Variants in PADI4 observed in about 807,000 individuals in gnomAD.
The protein encoded by PADI4 is peptidyl arginine deiminase 4, also known as protein-arginine deiminase type-4.
In PADI4, 62 loss-of-function variants were observed where a neutral mutation model predicts 75.0. That is an observed-to-expected ratio of 0.83 (90% CI 0.67 to 1.02). The LOEUF is 1.02. PADI4 is among the 50% of genes least tolerant of loss of function. The probability of loss-of-function intolerance (pLI) is 0.00; values close to 1 mark genes in which losing one functional copy is unlikely to be tolerated. For synonymous variants in PADI4, 361 were observed against 348.1 expected (o/e 1.04, Z -0.41); for missense variants, 845 against 850.5 (o/e 0.99, Z 0.08).
intron 1 of PADI4, among the ~76,000 whole-genome samples, chr1:17,329,519 A>G (rs145264102): frequency 0.012 from 1,803 of 152,250 alleles, 37 homozygotes; most frequent in African/African-American, 0.041. Flanking sequence ...GGAAGAGAAA[A>G]TATATTTACT....
chr1:17,354,423 C>T (rs1334870485), intron 10 of PADI4, 110 bp from the exon 11 acceptor site: 34 of 881,592 alleles, frequency 3.9e-5, no homozygotes, highest in Admixed American at 8.8e-5. Flanking sequence ...CAGCTGTAGA[C>T]GGTACTGAGT....
rs1401292736 is a variant in PADI4, at chr1:17,358,864, A to G, written c.1585A>G (p.Ile529Val). 1 of 1,607,674 alleles carries G rather than the reference A, an allele frequency of 6.2e-7. No individual in the cohort carries two copies. Among genetic ancestry groups the G allele is most frequent in the African/African-American group, 1.3e-5 (1 of 74,852 alleles). ...KKKKQQKIKN[I>V]LSNKTLREHN... ...AAAAAAACAGCAGAAAATAAAGAACATTCTGTCAAACAAGACATTGAGAGA... is the reference window on the plus strand; with the variant it reads ...AAAAAAACAGCAGAAAATAAAGAACGTTCTGTCAAACAAGACATTGAGAGA... The change falls in exon 14 of 16, where the codon ATT (isoleucine) becomes GTT (valine). Residue 529 changes from isoleucine to valine, a missense_variant. Transcript: ENST00000375448.
intron 3 of PADI4, chr1:17,334,840 G>A (rs1445130269): frequency 6.5e-6 from 2 of 309,816 alleles, no homozygotes; most frequent in Non-Finnish European, 1.3e-5. Flanking sequence ...ATCATTATGT[G>A]TATTAAACAT....
intron 1 of PADI4, among the ~76,000 whole-genome samples, chr1:17,311,211 C>T (rs2073820989): frequency 6.6e-6 from 1 of 151,620 alleles, no homozygotes; most frequent in Non-Finnish European, 1.5e-5. Context: ...TGCAGTGAGG[C>T]AAGATTGCAC....
chr1:17,329,308 AGT>A (rs1301381125), intron 1 of PADI4, among the ~76,000 whole-genome samples: 1 of 149,712 alleles, frequency 6.7e-6, no homozygotes, highest in Admixed American at 6.7e-5. Context: ...CCTGGGCGAC[AGT>A]GAGACTCTGT....
intron 10 of PADI4, among the ~76,000 whole-genome samples, chr1:17,353,101 G>A (rs2074694937): frequency 6.6e-6 from 1 of 152,182 alleles, no homozygotes; most frequent in African/African-American, 2.4e-5. Flanking sequence ...GCTTTGATGG[G>A]CGGGAGAAGC....
intron 1 of PADI4, among the ~76,000 whole-genome samples, chr1:17,313,526 A>ATG: frequency 6.8e-6 from 1 of 146,444 alleles, no homozygotes; most frequent in African/African-American, 2.5e-5. Flanking sequence ...AAAAAAGGAA[A>ATG]GGAAGGAAAG....
rs576831171 is a variant in PADI4, at chr1:17,352,267, T to C, written c.1156-2266T>C. Among the ~76,000 whole-genome samples, 5 of 140,656 alleles carry C rather than the reference T, an allele frequency of 3.6e-5. No homozygotes were observed. The South Asian group carries it at 1.1e-3, about 30-fold the overall frequency. 92.3% of individuals were successfully genotyped at this position (140,656 alleles called of 152,430 possible). On this transcript the variant is annotated intron_variant, in intron 10 of 15. Coordinates refer to ENST00000375448, the MANE Select transcript of PADI4 (RefSeq NM_012387.3). ...GTAGCAGAGGTGGTCAAGGAGGTGA[T>C]GGGAGGAGATGGGGGGCAGTAGAAG... is the stretch of plus-strand genomic sequence containing the variant.
chr1:17,314,516 T>G (rs1169001163), intron 1 of PADI4, among the ~76,000 whole-genome samples: 2 of 152,098 alleles, frequency 1.3e-5, no homozygotes, highest in African/African-American at 4.8e-5. Context: ...GCTGCTTCAT[T>G]TATTGTTATT....
intron 1 of PADI4, among the ~76,000 whole-genome samples, chr1:17,311,958 G>C (rs2073840381): frequency 6.6e-6 from 1 of 152,150 alleles, no homozygotes; most frequent in Non-Finnish European, 1.5e-5. Flanking sequence ...GGCGAAGATT[G>C]AATTATATAA....
intron 1 of PADI4, among the ~76,000 whole-genome samples, chr1:17,321,582 T>C (rs2074033270): frequency 6.6e-6 from 1 of 152,208 alleles, no homozygotes; most frequent in Non-Finnish European, 1.5e-5. Context: ...AATGTGAAAT[T>C]GACTTCGTGA....
intron 1 of PADI4, among the ~76,000 whole-genome samples, chr1:17,315,559 C>T (rs2073917996): frequency 6.6e-6 from 1 of 150,538 alleles, no homozygotes; most frequent in South Asian, 2.1e-4. Flanking sequence ...ACATCAGCCA[C>T]CACCATCCCT....
At chr1:17,312,630 C>G (rs1412097313) in intron 1 of PADI4, among the ~76,000 whole-genome samples, 1 of 152,088 alleles carries the variant, frequency 6.6e-6, no homozygotes, top group Non-Finnish European at 1.5e-5. Context: ...CTCAGGGAAT[C>G]TATATTGTCA....
chr1:17,315,217 G>C (rs2073911454), intron 1 of PADI4, among the ~76,000 whole-genome samples: 2 of 152,196 alleles, frequency 1.3e-5, no homozygotes, highest in Admixed American at 6.5e-5. Context: ...TCAGCACAAG[G>C]TCTGGTACAC....
chr1:17,312,456 G>A (rs894010838), intron 1 of PADI4, among the ~76,000 whole-genome samples: 21 of 43,054 alleles, frequency 4.9e-4, no homozygotes, highest in African/African-American at 1.6e-3. Flanking sequence ...GTGAAACTCC[G>A]CCTCAAAAAA....
chr1:17,308,369 CCAGTTCTACTGACA>C, intron 1 of PADI4, 55 bp downstream of exon 1: 1 of 1,357,170 alleles, frequency 7.4e-7, no homozygotes, highest in East Asian at 2.3e-5. Context: ...GCTGGATGAC[CCAGTTCTACTGACA>C]CAGGAGCATG....
At chr1:17,359,234 C>A in intron 14 of PADI4, 46 bp from the exon 15 acceptor site, 1 of 888,910 alleles carries the variant, frequency 1.1e-6, no homozygotes, top group East Asian at 2.6e-5. Flanking sequence ...CCCCCACCCC[C>A]GACTGCCATC....
At chr1:17,327,472 G>A (rs2074134879) in intron 1 of PADI4, among the ~76,000 whole-genome samples, 1 of 151,420 alleles carries the variant, frequency 6.6e-6, no homozygotes, top group Non-Finnish European at 1.5e-5. Context: ...GTATATTACT[G>A]GATTTTGTTT....
intron 1 of PADI4, among the ~76,000 whole-genome samples, chr1:17,322,740 C>T (rs1289578160): frequency 6.6e-6 from 1 of 152,124 alleles, no homozygotes; most frequent in African/African-American, 2.4e-5. Flanking sequence ...TTTCCTTTCA[C>T]AGTCTGTAAG....
Sources: gnomAD v4.1 joint callset for allele counts (sites outside exome capture counted in the v4.1 genomes callset) on GRCh38, gnomAD v4.1.1 for gene constraint, MANE v1.5 for transcripts, NCBI Gene and HGNC (gene_info 2026-07-23, HGNC 2026-07-21) for gene names.